NDUFS4: variants seen among roughly 807,000 people sequenced by gnomAD.
NDUFS4 encodes the protein NADH dehydrogenase [ubiquinone] iron-sulfur protein 4, mitochondrial.
Under a neutral mutation model 24.3 loss-of-function variants are expected in NDUFS4, and 28 were observed. That is an observed-to-expected ratio of 1.15 (90% CI 0.85 to 1.58). The LOEUF is 1.58. NDUFS4 is among the 40% of genes most tolerant of loss of function. The pLI is 0.00. For synonymous variants in NDUFS4, 93 were observed against 69.7 expected (o/e 1.34, Z -1.67); for missense variants, 223 against 207.9 (o/e 1.07, Z -0.45).
chr5:53,598,295 G>C (rs1750193054), intron 1 of NDUFS4, among the ~76,000 whole-genome samples: 1 of 152,140 alleles, frequency 6.6e-6, no homozygotes, highest in South Asian at 2.1e-4. Flanking sequence ...ACAAAAACCT[G>C]CACATGAATG....
At chr5:53,665,428 A>C (rs1752483254) in intron 4 of NDUFS4, among the ~76,000 whole-genome samples, 1 of 152,206 alleles carries the variant, frequency 6.6e-6, no homozygotes, top group East Asian at 1.9e-4. Flanking sequence ...CCAGAGGTGG[A>C]GTCTACAGAG....
In NDUFS4 at chr5:53,560,708, C is replaced by T; in HGVS notation, c.46C>T (p.Arg16Trp). Residue 16 changes from arginine to tryptophan, a missense_variant, in exon 1 of 5, where the codon CGG (arginine) becomes TGG (tryptophan). By Grantham distance (101) the Arg-to-Trp change is moderately radical. Coordinates refer to ENST00000296684, the MANE Select transcript of NDUFS4 (RefSeq NM_002495.4). ...MSVVLRQTLW[R>W]RRAVAVAALS... is the part of the protein sequence containing the mutation. ...AGTGGTACTGAGGCAGACGTTGTGGCGGAGAAGGGCAGTGGCTGTAGCTGC... is the reference window on the plus strand; with the variant it reads ...AGTGGTACTGAGGCAGACGTTGTGGTGGAGAAGGGCAGTGGCTGTAGCTGC... 6.2e-7 allele frequency: 1 copy of T among 1,614,220 alleles called. No homozygotes were observed. Among genetic ancestry groups the T allele is most frequent in the African/African-American group, 1.3e-5 (1 of 75,050 alleles).
chr5:53,653,575 A>G (rs1387448339), intron 3 of NDUFS4, among the ~76,000 whole-genome samples: 1 of 152,140 alleles, frequency 6.6e-6, no homozygotes, highest in African/African-American at 2.4e-5. Flanking sequence ...AACTATAGAT[A>G]CATGTTTCCA....
intron 4 of NDUFS4, among the ~76,000 whole-genome samples, chr5:53,670,203 G>GC (rs1185520611): frequency 6.6e-6 from 1 of 151,594 alleles, no homozygotes; most frequent in Non-Finnish European, 1.5e-5. Flanking sequence ...AAGAAAACAA[G>GC]CCCCAGATCA....
intron 1 of NDUFS4, among the ~76,000 whole-genome samples, chr5:53,590,978 C>G (rs1178609959): frequency 6.6e-6 from 1 of 152,160 alleles, no homozygotes; most frequent in Non-Finnish European, 1.5e-5. Context: ...ATTTTACTTT[C>G]TGTTTCTGTG....
chr5:53,589,914 C>T (rs1053920182), intron 1 of NDUFS4, among the ~76,000 whole-genome samples: 2 of 152,138 alleles, frequency 1.3e-5, no homozygotes, highest in Admixed American at 1.3e-4. Context: ...GGTTGGCTTT[C>T]CTTGCTCCTC....
At chr5:53,570,462 A>G (rs1297856540) in intron 1 of NDUFS4, among the ~76,000 whole-genome samples, 2 of 152,134 alleles carry the variant, frequency 1.3e-5, no homozygotes, top group East Asian at 3.9e-4. Flanking sequence ...GGCAGTGTAA[A>G]TAGAGCTTCT....
chr5:53,648,709 A>G (rs558690342), intron 3 of NDUFS4, among the ~76,000 whole-genome samples: 3 of 152,294 alleles, frequency 2.0e-5, no homozygotes, highest in African/African-American at 7.2e-5. Flanking sequence ...GCTGACATCT[A>G]GTTAATAATG....
intron 1 of NDUFS4, among the ~76,000 whole-genome samples, chr5:53,568,773 T>G (rs1409799799): frequency 6.6e-6 from 1 of 152,198 alleles, no homozygotes; most frequent in African/African-American, 2.4e-5. Flanking sequence ...GATGTAGTTC[T>G]CTAAGAAAGT....
At chr5:53,580,700 T>G (rs1749533948) in intron 1 of NDUFS4, among the ~76,000 whole-genome samples, 1 of 141,490 alleles carries the variant, frequency 7.1e-6, no homozygotes, top group Non-Finnish European at 1.5e-5. Flanking sequence ...TTCCTTTCCT[T>G]TCCTTTCCTT....
At chr5:53,602,490 T>C (rs560987616) in intron 1 of NDUFS4, among the ~76,000 whole-genome samples, 32 of 152,256 alleles carry the variant, frequency 2.1e-4, no homozygotes, top group African/African-American at 7.0e-4. Flanking sequence ...ATTAAGAAGG[T>C]TTTCTATATG....
intron 1 of NDUFS4, among the ~76,000 whole-genome samples, chr5:53,597,653 G>T (rs1042662080): frequency 1.3e-5 from 2 of 152,078 alleles, no homozygotes; most frequent in Non-Finnish European, 2.9e-5. Flanking sequence ...TCTATATGAA[G>T]AAAATTAGAA....
intron 3 of NDUFS4, among the ~76,000 whole-genome samples, chr5:53,647,365 C>T (rs1349324277): frequency 6.6e-6 from 1 of 152,040 alleles, no homozygotes; most frequent in Non-Finnish European, 1.5e-5. Flanking sequence ...TAGGTGCATG[C>T]CACAGCACCT....
chr5:53,603,065 G>A (rs1038730900), intron 1 of NDUFS4, among the ~76,000 whole-genome samples: 2 of 151,758 alleles, frequency 1.3e-5, no homozygotes, highest in Non-Finnish European at 2.9e-5. Context: ...TTTTCTTTTC[G>A]TTTCTGATGC....
At position 53,592,086 on chromosome 5, in the gene NDUFS4, G is replaced by A. The variant is rs78197661; in HGVS notation, c.99-11366G>A. ...CTTGAGTAGCTGGAATTACAGGCACGTGCCACCATGCCTGGCGAATTTTTT... is the reference window on the plus strand; with the variant it reads ...CTTGAGTAGCTGGAATTACAGGCACATGCCACCATGCCTGGCGAATTTTTT... On this transcript the variant is annotated intron_variant, in intron 1 of 4. Transcript: ENST00000296684. Among the ~76,000 whole-genome samples the A allele has an allele frequency of 5.1e-4, 78 of 151,956 alleles. No individual in the cohort carries two copies. The East Asian group carries it at 0.013, about 25-fold the overall frequency.
At position 53,629,326 on chromosome 5, in the gene NDUFS4, G is replaced by A. The variant is rs575809093; in HGVS notation, c.178-16907G>A. On this transcript the variant is annotated intron_variant, in intron 2 of 4. Transcript: ENST00000296684. ...ATGTGGTCAATTTTAGAATAAGTGC[G>A]ATGTGGTGCTGAGAAGAATGTATAT... is the stretch of plus-strand genomic sequence containing the variant. 7.9e-5 allele frequency among the ~76,000 whole-genome samples: 12 copies of A among 152,302 alleles called. No homozygotes were observed. The South Asian group carries it at 1.2e-3, about 16-fold the overall frequency.
intron 1 of NDUFS4, among the ~76,000 whole-genome samples, chr5:53,596,053 C>T (rs1427026025): frequency 1.3e-5 from 2 of 152,146 alleles, no homozygotes; most frequent in Non-Finnish European, 2.9e-5. Flanking sequence ...AAATTATCTT[C>T]ACTATTGTTT....
intron 2 of NDUFS4, among the ~76,000 whole-genome samples, chr5:53,612,261 T>C (rs1007529417): frequency 6.6e-6 from 1 of 152,122 alleles, no homozygotes; most frequent in Non-Finnish European, 1.5e-5. Flanking sequence ...ATTGACACTT[T>C]ACATTGTTTT....
At chr5:53,589,131 T>C (rs942870496) in intron 1 of NDUFS4, among the ~76,000 whole-genome samples, 1 of 152,202 alleles carries the variant, frequency 6.6e-6, no homozygotes, top group African/African-American at 2.4e-5. Flanking sequence ...GACCAAAACG[T>C]AGGTTTTTAA....
Sources: allele counts gnomAD v4.1 joint callset (sites outside exome capture counted in the v4.1 genomes callset), GRCh38; gene constraint gnomAD v4.1.1; transcripts MANE v1.5; gene names NCBI Gene and HGNC (gene_info 2026-07-23, HGNC 2026-07-21).